The following SSC4D variants were observed in gnomAD, a reference collection of about 807,000 sequenced individuals.
SSC4D encodes the protein scavenger receptor cysteine rich family member with 4 domains, also known as scavenger receptor cysteine-rich domain-containing group B protein.
Under a neutral mutation model 63.4 loss-of-function variants are expected in SSC4D, and 57 were observed. The ratio of observed to expected loss-of-function variants is 0.90; its 90% CI spans 0.73 to 1.12. SSC4D has a LOEUF of 1.12. SSC4D is among the 50% of genes most tolerant of loss of function. The probability of loss-of-function intolerance (pLI) is 0.00; values close to 1 mark genes in which losing one functional copy is unlikely to be tolerated. For synonymous variants in SSC4D, 352 were observed against 345.4 expected (o/e 1.02, Z -0.21); for missense variants, 791 against 806.4 (o/e 0.98, Z 0.23).
At chr7:76,407,651 T>G (rs1181326264) in intron 1 of SSC4D, among the ~76,000 whole-genome samples, 1 of 152,106 alleles carries the variant, frequency 6.6e-6, no homozygotes, top group Non-Finnish European at 1.5e-5. Context: ...GAGGATCACT[T>G]GAGCCCAGGA....
rs887854816 is a variant in SSC4D at position 76,390,007 on chromosome 7, G to A, written c.*52C>T. On this transcript the variant is annotated 3_prime_UTR_variant, in exon 11 of 11. Coordinates refer to ENST00000275560, the MANE Select transcript of SSC4D (RefSeq NM_080744.2). ...ACAAGAGGAGGGCTTCCTGGAGGAG[G>A]AAGGGAGGTCACAGCTCCCAGAAGA... The A allele has an allele frequency of 5.6e-6, 9 of 1,608,446 alleles. No homozygotes were observed. Among genetic ancestry groups the A allele is most frequent in the Admixed American group, 1.7e-5 (1 of 59,706 alleles).
At position 76,405,137 on chromosome 7, in the gene SSC4D, C is replaced by T. The variant is rs547847260; in HGVS notation, c.-66-632G>A. On this transcript the variant is annotated intron_variant, in intron 1 of 10. Transcript: ENST00000275560. The stretch of plus-strand genomic sequence containing the variant: ...ATTTTTTTTTTCAGACAGAGTCTCA[C>T]TCTGTGGCCAGGCTGGAGTGTAATG... Among the ~76,000 whole-genome samples, 98 of 144,938 alleles carry T rather than the reference C, an allele frequency of 6.8e-4. No homozygotes were observed. In the Middle Eastern group the frequency reaches 0.025, roughly 36 times the overall value.
intron 1 of SSC4D, among the ~76,000 whole-genome samples, chr7:76,405,116 T>G (rs1804956362): frequency 6.7e-6 from 1 of 148,224 alleles, no homozygotes; most frequent in Non-Finnish European, 1.5e-5. Flanking sequence ...TAGTAGATTT[T>G]TTTTTTCAGA....
intron 1 of SSC4D, among the ~76,000 whole-genome samples, chr7:76,406,797 A>G (rs1236869883): frequency 6.6e-6 from 1 of 151,442 alleles, no homozygotes; most frequent in Non-Finnish European, 1.5e-5. Flanking sequence ...AAAAAAAAAA[A>G]TCTTCAAGGC....
At position 76,393,900 on chromosome 7, in the gene SSC4D, T is replaced by G. The variant is rs151053756; in HGVS notation, c.951A>C (p.Thr317=). 11,330 of 1,603,188 alleles carry G rather than the reference T, an allele frequency of 7.1e-3. 59 individuals are homozygous for G. Among genetic ancestry groups the G allele is most frequent in the Non-Finnish European group, 7.7e-3 (8,996 of 1,174,296 alleles). ...CCCGGGAAGGCTGGGGGCCAACTCC[T>G]GTAGCTGTGGAGACAGGGCATCTAG... ...DWAWQTDPSA[T]GVGPQPSRET... The change falls in exon 8 of 11, where the codon ACA becomes ACC. Residue 317 remains threonine, a synonymous_variant. Coordinates refer to ENST00000275560, the MANE Select transcript of SSC4D (RefSeq NM_080744.2).
Position 76,397,687 on chromosome 7 carries a change from C to CA in SSC4D, c.698_699insT (p.Ala234GlyfsTer139). The CA allele has an allele frequency of 5.0e-6, 8 of 1,613,432 alleles. No individual in the cohort carries two copies. The highest frequency in any genetic ancestry group is 1.3e-5 in the African/African-American group (1 of 75,050). On this transcript the variant is annotated frameshift_variant, in exon 6 of 11. Coordinates refer to ENST00000275560, the MANE Select transcript of SSC4D (RefSeq NM_080744.2). LOFTEE classifies it high-confidence loss of function. ...CGTTGGTGGTGGCGGCCATGGCCGCCCCGCAGCCCAGCTGACGACAGACCA... is the reference window on the plus strand; with the variant it reads ...CGTTGGTGGTGGCGGCCATGGCCGCCACCGCAGCCCAGCTGACGACAGACCA...
At position 76,396,279 on chromosome 7, in the gene SSC4D, C is replaced by G. The variant is rs191955633; in HGVS notation, c.869-949G>C. Among the ~76,000 whole-genome samples the G allele has an allele frequency of 5.6e-3, 853 of 152,272 alleles. 9 individuals carry two copies. The highest frequency in any genetic ancestry group is 0.019 in the African/African-American group (794 of 41,552). The stretch of plus-strand genomic sequence containing the variant: ...TGCCTCTCCATGAGATACGCCCACT[C>G]GTATGCCATGTCAGTTTACCATTGC... On this transcript the variant is annotated intron_variant, in intron 6 of 10. Coordinates refer to ENST00000275560, the MANE Select transcript of SSC4D (RefSeq NM_080744.2).
chr7:76,392,526 G>A (rs1175021031), intron 9 of SSC4D, among the ~76,000 whole-genome samples: 9 of 149,990 alleles, frequency 6.0e-5, no homozygotes, highest in African/African-American at 2.2e-4. Context: ...GTGACAGACT[G>A]AGACTCTGTC....
Position 76,397,480 on chromosome 7 carries a change from CCTGCCCCGGCCCCGCCCAT to C in SSC4D, c.868+19_868+37del. 1.4e-6 allele frequency: 2 copies of C among 1,449,268 alleles called. No individual in the cohort carries two copies. Among genetic ancestry groups the C allele is most frequent in the Non-Finnish European group, 1.8e-6 (2 of 1,104,652 alleles). The allele number at this position is 1,449,268 out of a possible 1,614,324, so 89.8% of individuals were successfully genotyped here. A position where few individuals can be genotyped will look rare whatever the true frequency, so the allele number is the denominator to read the frequency against. On this transcript the variant is annotated intron_variant, in intron 6 of 10. Transcript: ENST00000275560. Reference sequence around the variant, plus strand: ...CAGCATTGCCACAGGGCCCCGCCCACCTGCCCCGGCCCCGCCCATCGCCCCTAGAGCCCGCACCTGCGCA... The same window carrying C: ...CAGCATTGCCACAGGGCCCCGCCCACCGCCCCTAGAGCCCGCACCTGCGCA...
At chr7:76,398,595 A>G (rs112701136) in intron 5 of SSC4D, 125 bp downstream of exon 5, 262,355 of 1,115,998 alleles carry the variant, frequency 0.24, 32,776 homozygotes, top group African/African-American at 0.39. Context: ...GTGAGCCACC[A>G]TGCCCAGCCA....
Position 76,393,514 on chromosome 7 carries a change from C to G in SSC4D, c.1224G>C (p.Leu408=), listed in dbSNP as rs776931460. 6.6e-7 allele frequency: 1 copy of G among 1,525,958 alleles called. No homozygotes were observed. Among genetic ancestry groups the G allele is most frequent in the South Asian group, 1.2e-5 (1 of 82,336 alleles). The allele number at this position is 1,525,958 out of a possible 1,614,324, so 94.5% of individuals were successfully genotyped here. ...HFGYGRGPVL[L]DNVGCAGTEA... is the part of the protein sequence containing the mutation. ...CGGTGCCGGCGCAGCCCACGTTGTC[C>G]AGCAGCACGGGGCCGCGGCCGTAGC... The change falls in exon 9 of 11, where the codon CTG becomes CTC. Residue 408 remains leucine (L), a synonymous_variant. Coordinates refer to ENST00000275560, the MANE Select transcript of SSC4D (RefSeq NM_080744.2).
chr7:76,407,338 C>CTT (rs71882894), intron 1 of SSC4D, among the ~76,000 whole-genome samples: 62,483 of 146,670 alleles, frequency 0.43, 13,249 homozygotes, highest in South Asian at 0.53. Flanking sequence ...GGGAGGATCT[C>CTT]TTTTTTTTTT....
intron 2 of SSC4D, among the ~76,000 whole-genome samples, chr7:76,401,881 T>C (rs1804840817): frequency 6.6e-6 from 1 of 152,208 alleles, no homozygotes; most frequent in South Asian, 2.1e-4. Flanking sequence ...CTCAACTCTG[T>C]GTCCCCAGAC....
At chr7:76,401,631 G>A (rs1804832807) in intron 2 of SSC4D, among the ~76,000 whole-genome samples, 1 of 152,156 alleles carries the variant, frequency 6.6e-6, no homozygotes, top group African/African-American at 2.4e-5. Context: ...TGGCCAGGCT[G>A]GTCTTGAACT....
chr7:76,397,505 C>G lies in SSC4D; in HGVS notation c.868+13G>C. On this transcript the variant is annotated intron_variant, in intron 6 of 10. Transcript: ENST00000275560. ...CCTGCCCCGGCCCCGCCCATCGCCC[C>G]TAGAGCCCGCACCTGCGCAGAGCGC... is the stretch of plus-strand genomic sequence containing the variant. 6.6e-7 allele frequency: 1 copy of G among 1,505,734 alleles called. No individual in the cohort carries two copies. The highest frequency in any genetic ancestry group is 8.9e-7 in the Non-Finnish European group (1 of 1,128,520). The allele number at this position is 1,505,734 out of a possible 1,614,324, so 93.3% of individuals were successfully genotyped here. A position where few individuals can be genotyped will look rare whatever the true frequency, so the allele number is the denominator to read the frequency against.
intron 10 of SSC4D, among the ~76,000 whole-genome samples, chr7:76,391,676 C>T (rs1804497247): frequency 6.6e-6 from 1 of 152,226 alleles, no homozygotes; most frequent in Non-Finnish European, 1.5e-5. Flanking sequence ...CCTGGGCTCC[C>T]AGAACTATAT....
At chr7:76,393,998 C>G in intron 7 of SSC4D, 94 bp from the exon 8 acceptor site, 2 of 1,289,596 alleles carry the variant, frequency 1.6e-6, no homozygotes, top group Non-Finnish European at 2.2e-6. Flanking sequence ...ACCCCCAACC[C>G]TACCACACCC....
rs116274171 is a variant in SSC4D, at chr7:76,408,873, C to T, written c.-67+541G>A. 8.2e-3 allele frequency among the ~76,000 whole-genome samples: 1,242 copies of T among 152,276 alleles called. 19 individuals are homozygous for T. Among genetic ancestry groups the T allele is most frequent in the African/African-American group, 0.028 (1,160 of 41,566 alleles). On this transcript the variant is annotated intron_variant, in intron 1 of 10. Coordinates refer to ENST00000275560, the MANE Select transcript of SSC4D (RefSeq NM_080744.2). ...TTGCCTACATTTTCTACAGTACAGC[C>T]GGCAGCCTAACACAGCGGTTCATAT... is the stretch of plus-strand genomic sequence containing the variant.
At position 76,393,481 on chromosome 7, in the gene SSC4D, G is replaced by T; in HGVS notation, c.1257C>A (p.Arg419=). 1 of 1,525,320 alleles carries T rather than the reference G, an allele frequency of 6.6e-7. No homozygotes were observed. Among genetic ancestry groups the T allele is most frequent in the South Asian group, 1.2e-5 (1 of 82,066 alleles). The allele number at this position is 1,525,320 out of a possible 1,614,324, so 94.5% of individuals were successfully genotyped here. ...DNVGCAGTEA[R]LSDCFHLGWG... is the part of the protein sequence containing the mutation. ...AGCCCAGGTGGAAGCAGTCGCTCAG[G>T]CGAGCCTCGGTGCCGGCGCAGCCCA... is the stretch of plus-strand genomic sequence containing the variant. Residue 419 remains arginine, a synonymous_variant, in exon 9 of 11, where the codon CGC becomes CGA. Transcript: ENST00000275560.
Sources: allele counts gnomAD v4.1 joint callset (sites outside exome capture counted in the v4.1 genomes callset), GRCh38; gene constraint gnomAD v4.1.1; transcripts MANE v1.5; gene names NCBI Gene and HGNC (gene_info 2026-07-23, HGNC 2026-07-21).